The following TEAD2 variants were observed in gnomAD, a reference collection of about 807,000 sequenced individuals.
TEAD2 encodes the protein TEA domain transcription factor 2.
TEAD2 carries 51 observed loss-of-function variants against 61.4 expected under a neutral mutation model. The observed-to-expected ratio is 0.83, with a 90% confidence interval of 0.66 to 1.05. The LOEUF is 1.05. Among genes scored for constraint, TEAD2 ranks in the 50% least tolerant of loss-of-function variants. The pLI is 0.00. For missense variants in TEAD2, 509 were observed against 600.0 expected (o/e 0.85, Z 1.58); for synonymous variants, 244 against 243.2 (o/e 1.00, Z -0.03).
intron 1 of TEAD2, chr19:49,360,523 C>T (rs1600802522): frequency 1.1e-5 from 2 of 174,134 alleles, no homozygotes; most frequent in East Asian, 3.3e-4. Flanking sequence ...ACAATGATTA[C>T]CCTAGAGTAA....
At chr19:49,343,481 T>C in intron 10 of TEAD2, 83 bp from the exon 11 acceptor site, 2 of 1,468,794 alleles carry the variant, frequency 1.4e-6, no homozygotes, top group Non-Finnish European at 1.8e-6. Flanking sequence ...GGTTCACACC[T>C]GTAATCCCAG....
Position 49,357,275 on chromosome 19 carries a change from T to C in TEAD2, c.337A>G (p.Arg113Gly), listed in dbSNP as rs1200646532. Residue 113 changes from arginine (R) to glycine (G), a missense_variant, in exon 4 of 13, where the codon AGG (arginine) becomes GGG (glycine). Transcript: ENST00000593945. ...ACCTTCAACTTGGACTGGATTTCCC[T>C]TGATTTCCTTCGGGCCAAAACCTGG... ...HIQVLARRKS[R>G]EIQSKLKALN... 2 of 1,611,508 alleles carry C rather than the reference T, an allele frequency of 1.2e-6. No individual in the cohort carries two copies. The highest frequency in any genetic ancestry group is 1.7e-6 in the Non-Finnish European group (2 of 1,178,762).
At chr19:49,348,907 G>A in intron 8 of TEAD2, 62 bp from the exon 9 acceptor site, 2 of 1,432,754 alleles carry the variant, frequency 1.4e-6, no homozygotes, top group East Asian at 2.6e-5. Flanking sequence ...ATCAGGTACT[G>A]TTGTCTCTTG....
In TEAD2 at chr19:49,347,324, G is replaced by T; in HGVS notation, c.787C>A (p.Pro263Thr). 1 of 1,612,688 alleles carries T rather than the reference G, an allele frequency of 6.2e-7. No individual in the cohort carries two copies. Among genetic ancestry groups the T allele is most frequent in the Non-Finnish European group, 8.5e-7 (1 of 1,180,020 alleles). ...HLFVHISQHC[P>T]SPGAPPLESV... is the part of the protein sequence containing the mutation. ...TCGAGCGGCGGCGCTCCGGGGCTGG[G>T]GCAGTGCTGGCTGATGTGCACGAAC... is the stretch of plus-strand genomic sequence containing the variant. The change falls in exon 10 of 13, where the codon CCC becomes ACC. Residue 263 changes from proline (P) to threonine (T), a missense_variant. By Grantham distance (38) the Pro-to-Thr change is conservative. Transcript: ENST00000593945.
chr19:49,356,083 C>G, intron 4 of TEAD2, 113 bp from the exon 5 acceptor site: 4 of 864,552 alleles, frequency 4.6e-6, no homozygotes, highest in Non-Finnish European at 6.1e-6. Context: ...CCCCGCCACC[C>G]TGAGCTGAGC....
chr19:49,361,492 A>G (rs1178206372), intron 1 of TEAD2: 1 of 152,570 alleles, frequency 6.6e-6, no homozygotes, highest in Non-Finnish European at 1.5e-5. Context: ...GCGCCCTGCC[A>G]TCAGAAGAGC....
intron 8 of TEAD2, among the ~76,000 whole-genome samples, chr19:49,350,706 C>T (rs1971959700): frequency 1.3e-5 from 2 of 152,078 alleles, no homozygotes; most frequent in Admixed American, 1.3e-4. Context: ...AGAATCTTGA[C>T]TAACATACCT....
At chr19:49,346,598 C>T (rs976240685) in intron 10 of TEAD2, among the ~76,000 whole-genome samples, 3 of 151,478 alleles carry the variant, frequency 2.0e-5, no homozygotes, top group African/African-American at 7.3e-5. Flanking sequence ...CGGAGGTTGC[C>T]GTGAGCCAAG....
Position 49,341,222 on chromosome 19 carries a change from T to G in TEAD2, c.*102A>C. Reference sequence around the variant, plus strand: ...CTTAGGCCTCTGAGGTCAACCCCTTTACATCACAGCCCTCTCCCCAAATAA... The same window carrying G: ...CTTAGGCCTCTGAGGTCAACCCCTTGACATCACAGCCCTCTCCCCAAATAA... On this transcript the variant is annotated 3_prime_UTR_variant, in exon 13 of 13. Coordinates refer to ENST00000593945, the MANE Select transcript of TEAD2 (RefSeq NM_001256660.2). The surrounding 1 kb of genome is among the most constrained non-coding windows in gnomAD (Gnocchi z 4.2). 1 of 1,064,112 alleles carries G rather than the reference T, an allele frequency of 9.4e-7. No individual in the cohort carries two copies. The highest frequency in any genetic ancestry group is 1.4e-6 in the Non-Finnish European group (1 of 703,280). 65.9% of individuals were successfully genotyped at this position (1,064,112 alleles called of 1,614,324 possible).
At position 49,358,105 on chromosome 19, in the gene TEAD2, G is replaced by A. The variant is rs573676083; in HGVS notation, c.298-791C>T. On this transcript the variant is annotated intron_variant, in intron 3 of 12. Coordinates refer to ENST00000593945, the MANE Select transcript of TEAD2 (RefSeq NM_001256660.2). ...AAAAATTAGCCAGGTGTGGTGGTGC[G>A]CGCCTGTAGTCCCAGCTACTCAGGA... Among the ~76,000 whole-genome samples, 46 of 152,278 alleles carry A rather than the reference G, an allele frequency of 3.0e-4. 1 individual carries two copies. The highest frequency in any genetic ancestry group is 9.4e-4 in the African/African-American group (39 of 41,560).
At chr19:49,361,247 G>C (rs1008352019) in intron 1 of TEAD2, 1 of 150,444 alleles carries the variant, frequency 6.6e-6, no homozygotes, top group Non-Finnish European at 1.5e-5. Flanking sequence ...GACCCAGAGA[G>C]AGGGGGACAG....
At chr19:49,349,300 A>G (rs568179637) in intron 8 of TEAD2, among the ~76,000 whole-genome samples, 1 of 152,116 alleles carries the variant, frequency 6.6e-6, no homozygotes, top group East Asian at 1.9e-4. Flanking sequence ...TGTCTCTACT[A>G]AAAATACAAA....
At chr19:49,343,606 G>A (rs954009342) in intron 10 of TEAD2, among the ~76,000 whole-genome samples, 1 of 152,036 alleles carries the variant, frequency 6.6e-6, no homozygotes, top group Non-Finnish European at 1.5e-5. Flanking sequence ...GGGCGTGGTG[G>A]TGCATGCTTG....
rs148170808 is a variant in TEAD2 at position 49,343,356 on chromosome 19, C to T, written c.964G>A (p.Gly322Ser). 169 of 1,612,852 alleles carry T rather than the reference C, an allele frequency of 1.0e-4. No individual in the cohort carries two copies. The Admixed American group carries it at 1.1e-3, about 10-fold the overall frequency. Residue 322 changes from glycine to serine, a missense_variant, in exon 11 of 13, where the codon GGT (glycine) becomes AGT (serine). Gly to Ser is a moderately conservative substitution (Grantham distance 56). Transcript: ENST00000593945. ...WGPSGEEAGA[G>S]GSISSGGFYG... is the part of the protein sequence containing the mutation. Reference sequence around the variant, plus strand: ...AAGCCACCACTGCTGATGCTGCCACCGGCCCCTGCCTCCTCACCACTTGGG... The same window carrying T: ...AAGCCACCACTGCTGATGCTGCCACTGGCCCCTGCCTCCTCACCACTTGGG...
At chr19:49,355,926 A>G in intron 5 of TEAD2, 33 bp downstream of exon 5, 1 of 1,263,534 alleles carries the variant, frequency 7.9e-7, no homozygotes, top group South Asian at 3.2e-5. Context: ...GTTTGGAGTG[A>G]GCGTGGGTGG....
At chr19:49,356,126 G>C (rs2146556569) in intron 4 of TEAD2, 156 bp from the exon 5 acceptor site, 1 of 500,334 alleles carries the variant, frequency 2.0e-6, no homozygotes. Flanking sequence ...ACAGGAAGTG[G>C]AGGTGGCCAG....
intron 8 of TEAD2, among the ~76,000 whole-genome samples, chr19:49,350,445 G>A (rs972530255): frequency 1.1e-4 from 16 of 151,856 alleles, no homozygotes; most frequent in African/African-American, 2.9e-4. Context: ...TCAGCCTCCC[G>A]AGTAGCTGGG....
At position 49,341,694 on chromosome 19, in the gene TEAD2, C is replaced by T. The variant is rs758756161; in HGVS notation, c.1243-257G>A. On this transcript the variant is annotated intron_variant, in intron 12 of 12. Coordinates refer to ENST00000593945, the MANE Select transcript of TEAD2 (RefSeq NM_001256660.2). The surrounding 1 kb of genome is among the most constrained non-coding windows in gnomAD (Gnocchi z 4.2). ...GGTTAATCGGGTTCCCATCACATCA[C>T]ATTCCCTGGGTAAAAGGGGTCCCCA... is the stretch of plus-strand genomic sequence containing the variant. 4.6e-5 allele frequency among the ~76,000 whole-genome samples: 7 copies of T among 152,170 alleles called. No individual in the cohort carries two copies. Among genetic ancestry groups the T allele is most frequent in the Non-Finnish European group, 1.0e-4 (7 of 68,034 alleles).
Position 49,348,783 on chromosome 19 carries a change from G to A in TEAD2, c.667C>T (p.Gln223Ter). ...CGGGCGGTGCCCAGGCCCCGAGCCT[G>A]CCAGGCTGGGGGCGATGGGGTAGGT... ...PPPTPSPPAW[Q>*]ARGLGTARLQ... Residue 223 changes from glutamine to a stop codon, truncating the protein, a stop_gained, in exon 9 of 13, where the codon CAG becomes TAG. Coordinates refer to ENST00000593945, the MANE Select transcript of TEAD2 (RefSeq NM_001256660.2). LOFTEE classifies it high-confidence loss of function. The A allele has an allele frequency of 1.9e-6, 3 of 1,612,958 alleles. No homozygotes were observed. The highest frequency in any genetic ancestry group is 1.1e-5 in the South Asian group (1 of 90,928).
Sources: gnomAD v4.1 joint callset for allele counts (sites outside exome capture counted in the v4.1 genomes callset) on GRCh38, gnomAD v4.1.1 for gene constraint, Gnocchi (gnomAD v3.1) non-coding constraint, MANE v1.5 for transcripts, NCBI Gene and HGNC (gene_info 2026-07-23, HGNC 2026-07-21) for gene names.